The following HSPA2 variants were observed in gnomAD, a reference collection of about 807,000 sequenced individuals.
HSPA2 encodes heat shock protein family A (Hsp70) member 2, also known as heat shock-related 70 kDa protein 2.
In HSPA2, 13 loss-of-function variants were observed where a neutral mutation model predicts 35.0. The observed-to-expected ratio is 0.37, with a 90% CI of 0.24 to 0.59. The LOEUF (loss-of-function observed/expected upper bound fraction) is 0.59, where lower values mean the gene tolerates loss of function less well. HSPA2 is among the 20% of genes least tolerant of loss of function. HSPA2 has a pLI of 0.70. For missense variants in HSPA2, 565 were observed against 885.4 expected (o/e 0.64, Z 4.59); for synonymous variants, 368 against 382.1 (o/e 0.96, Z 0.43).
Position 64,541,961 on chromosome 14 carries a change from C to A in HSPA2, c.1112C>A (p.Ala371Glu). The A allele has an allele frequency of 6.2e-7, 1 of 1,613,544 alleles. No individual in the cohort carries two copies. The highest frequency in any genetic ancestry group is 8.5e-7 in the Non-Finnish European group (1 of 1,180,010). The change falls in exon 1 of 1, where the codon GCG becomes GAG. Residue 371 changes from alanine (A) to glutamate (E), a missense_variant. Around this residue, in one of 4 missense-constraint regions of HSPA2, gnomAD observed 234 missense variants for 419.0 expected, o/e 0.56. Transcript: ENST00000247207. ...AACAAGAGCATCAACCCCGACGAGG[C>A]GGTGGCCTATGGCGCCGCGGTGCAG... ...ELNKSINPDE[A>E]VAYGAAVQAA...
chr14:64,541,078 C>A lies in HSPA2; in HGVS notation c.229C>A (p.Arg77=). The change falls in exon 1 of 1, where the codon CGG becomes AGG. Residue 77 remains arginine, a synonymous_variant. Coordinates refer to ENST00000247207, the MANE Select transcript of HSPA2 (RefSeq NM_021979.4). ...TIFDAKRLIG[R]KFEDATVQSD... ...CTTCGACGCCAAGAGGCTGATTGGA[C>A]GGAAATTCGAGGATGCCACAGTGCA... is the stretch of plus-strand genomic sequence containing the variant. The A allele has an allele frequency of 1.2e-6, 2 of 1,614,220 alleles. No homozygotes were observed. The highest frequency in any genetic ancestry group is 4.5e-5 in the East Asian group (2 of 44,888).
Position 64,541,053 on chromosome 14 carries a change from C to T in HSPA2, c.204C>T (p.Ile68=), listed in dbSNP as rs753649397. 6.3e-5 allele frequency: 102 copies of T among 1,614,126 alleles called. No homozygotes were observed. Among genetic ancestry groups the T allele is most frequent in the South Asian group, 3.3e-4 (30 of 91,088 alleles). ...TGGCCATGAACCCCACCAACACCAT[C>T]TTCGACGCCAAGAGGCTGATTGGAC... is the stretch of plus-strand genomic sequence containing the variant. ...NQVAMNPTNT[I]FDAKRLIGRK... Residue 68 remains isoleucine (I), a synonymous_variant, in exon 1 of 1, where the codon ATC becomes ATT. Coordinates refer to ENST00000247207, the MANE Select transcript of HSPA2 (RefSeq NM_021979.4).
Position 64,541,006 on chromosome 14 carries a change from G to T in HSPA2, c.157G>T (p.Gly53Cys), listed in dbSNP as rs748500695. 9 of 1,614,148 alleles carry T rather than the reference G, an allele frequency of 5.6e-6. No individual in the cohort carries two copies. The highest frequency in any genetic ancestry group is 6.8e-6 in the Non-Finnish European group (8 of 1,180,024). The change falls in exon 1 of 1, where the codon GGC becomes TGC. Residue 53 changes from glycine (G) to cysteine (C), a missense_variant. Transcript: ENST00000247207. ...CTTCACGGACACCGAGCGCCTCATC[G>T]GCGACGCCGCCAAGAACCAGGTGGC... ...VAFTDTERLI[G>C]DAAKNQVAMN...
upstream of HSPA2, among the ~76,000 whole-genome samples, chr14:64,537,773 G>A (rs45608633): frequency 0.025 from 3,542 of 139,356 alleles, 52 homozygotes; most frequent in Middle Eastern, 0.056. Context: ...TGTCGCCCAG[G>A]CTGGAGTGCA....
Position 64,541,509 on chromosome 14 carries a change from C to G in HSPA2, c.660C>G (p.Phe220Leu). ...TCCTGACCATCGAGGATGGCATCTT[C>G]GAGGTGAAGTCCACGGCCGGCGACA... ...VSILTIEDGI[F>L]EVKSTAGDTH... is the part of the protein sequence containing the mutation. The change falls in exon 1 of 1, where the codon TTC (phenylalanine) becomes TTG (leucine). Residue 220 changes from phenylalanine (F) to leucine (L), a missense_variant. Phe to Leu is a conservative substitution (Grantham distance 22). Transcript: ENST00000247207. 2 of 1,609,244 alleles carry G rather than the reference C, an allele frequency of 1.2e-6. No individual in the cohort carries two copies. The highest frequency in any genetic ancestry group is 1.7e-6 in the Non-Finnish European group (2 of 1,176,208).
chr14:64,542,081 G>A lies in HSPA2; in HGVS notation c.1232G>A (p.Gly411Asp). Residue 411 changes from glycine to aspartate, a missense_variant, in exon 1 of 1, where the codon GGT (glycine) becomes GAT (aspartate). Coordinates refer to ENST00000247207, the MANE Select transcript of HSPA2 (RefSeq NM_021979.4). The surrounding 1 kb of genome is among the most constrained non-coding windows in gnomAD (Gnocchi z 5.7). ...TCGCTGGGCATCGAGACAGCTGGCG[G>A]TGTCATGACCCCACTCATCAAGAGG... ...PLSLGIETAG[G>D]VMTPLIKRNT... 1 of 1,613,632 alleles carries A rather than the reference G, an allele frequency of 6.2e-7. No individual in the cohort carries two copies. The highest frequency in any genetic ancestry group is 8.5e-7 in the Non-Finnish European group (1 of 1,180,034).
upstream of HSPA2, chr14:64,540,203 A>T (rs1171699506): frequency 6.5e-6 from 1 of 155,036 alleles, no homozygotes; most frequent in Non-Finnish European, 1.4e-5. Context: ...CTTCGGTGCA[A>T]CCAACTCAGA....
rs370673877 is a variant in HSPA2 at position 64,541,742 on chromosome 14, C to T, written c.893C>T (p.Thr298Met). 19 of 1,611,978 alleles carry T rather than the reference C, an allele frequency of 1.2e-5. No individual in the cohort carries two copies. The highest frequency in any genetic ancestry group is 1.7e-5 in the Admixed American group (1 of 59,822). The change falls in exon 1 of 1, where the codon ACG (threonine) becomes ATG (methionine). Residue 298 changes from threonine (T) to methionine (M), a missense_variant. Physicochemically the swap from Thr to Met is moderately conservative, Grantham distance 81 (BLOSUM62 -1). This residue lies in a region of HSPA2 where 234 missense variants were observed against 419.0 expected (regional missense o/e 0.56). Coordinates refer to ENST00000247207, the MANE Select transcript of HSPA2 (RefSeq NM_021979.4). The part of the protein sequence containing the change: ...DSLYEGVDFY[T>M]SITRARFEEL... The stretch of plus-strand genomic sequence containing the variant: ...CTCTACGAGGGCGTGGACTTCTATA[C>T]GTCCATCACGCGCGCCCGCTTCGAG...
At position 64,541,730 on chromosome 14, in the gene HSPA2, T is replaced by G; in HGVS notation, c.881T>G (p.Val294Gly). 3.1e-6 allele frequency: 5 copies of G among 1,611,942 alleles called. No homozygotes were observed. The highest frequency in any genetic ancestry group is 4.2e-6 in the Non-Finnish European group (5 of 1,179,494). Residue 294 changes from valine to glycine, a missense_variant, in exon 1 of 1, where the codon GTG (valine) becomes GGG (glycine). Val to Gly is a moderately radical substitution (Grantham distance 109, BLOSUM62 -3). Coordinates refer to ENST00000247207, the MANE Select transcript of HSPA2 (RefSeq NM_021979.4). ...SIEIDSLYEG[V>G]DFYTSITRAR... Reference sequence around the variant, plus strand: ...GAGATCGACTCGCTCTACGAGGGCGTGGACTTCTATACGTCCATCACGCGC... The same window carrying G: ...GAGATCGACTCGCTCTACGAGGGCGGGGACTTCTATACGTCCATCACGCGC...
chr14:64,540,848 G>T lies in HSPA2; in HGVS notation c.-2G>T. On this transcript the variant is annotated 5_prime_UTR_variant, in exon 1 of 1. It adds an upstream start codon to the 5' untranslated region. Coordinates refer to ENST00000247207, the MANE Select transcript of HSPA2 (RefSeq NM_021979.4). Reference sequence around the variant, plus strand: ...CCTAACGTCGCTCGCCTTTCAGTCAGGATGTCTGCCCGTGGCCCGGCTATC... The same window carrying T: ...CCTAACGTCGCTCGCCTTTCAGTCATGATGTCTGCCCGTGGCCCGGCTATC... The T allele has an allele frequency of 6.2e-7, 1 of 1,613,980 alleles. No homozygotes were observed. The highest frequency in any genetic ancestry group is 8.5e-7 in the Non-Finnish European group (1 of 1,179,934).
In HSPA2 at chr14:64,541,621, C is replaced by A; in HGVS notation, c.772C>A (p.Pro258Thr). 25 of 1,611,346 alleles carry A rather than the reference C, an allele frequency of 1.6e-5. No individual in the cohort carries two copies. The highest frequency in any genetic ancestry group is 2.2e-5 in the East Asian group (1 of 44,870). The change falls in exon 1 of 1, where the codon CCC becomes ACC. Residue 258 changes from proline to threonine, a missense_variant. Around this residue, in one of 4 missense-constraint regions of HSPA2, gnomAD observed 234 missense variants for 419.0 expected, o/e 0.56. Coordinates refer to ENST00000247207, the MANE Select transcript of HSPA2 (RefSeq NM_021979.4). ...FKRKHKKDIGPNKRAVRRLRT... is the reference protein window; with the variant it reads ...FKRKHKKDIGTNKRAVRRLRT... ...GCGCAAGCACAAGAAGGACATTGGG[C>A]CCAACAAGCGCGCCGTGAGGCGGCT...
At chr14:64,539,731 G>A (rs45498699), upstream of HSPA2, among the ~76,000 whole-genome samples, 3,748 of 152,196 alleles carry the variant, frequency 0.025, 52 homozygotes, top group Middle Eastern at 0.054. Context: ...GCCCAGGCTG[G>A]AGTGTAGTGG....
Position 64,541,824 on chromosome 14 carries a change from C to T in HSPA2, c.975C>T (p.Arg325=), listed in dbSNP as rs759623189. The change falls in exon 1 of 1, where the codon CGC becomes CGT. Residue 325 remains arginine, a synonymous_variant. Transcript: ENST00000247207. ...GTLEPVEKAL[R]DAKLDKGQIQ... ...TGGAGCCGGTGGAGAAGGCGCTGCG[C>T]GACGCCAAGCTGGACAAGGGCCAGA... 2 of 1,613,614 alleles carry T rather than the reference C, an allele frequency of 1.2e-6. No homozygotes were observed. The highest frequency in any genetic ancestry group is 1.7e-6 in the Non-Finnish European group (2 of 1,180,044).
In HSPA2 at chr14:64,541,977, C is replaced by A. The variant is rs529744114; in HGVS notation, c.1128C>A (p.Ala376=). 33 of 1,613,550 alleles carry A rather than the reference C, an allele frequency of 2.0e-5. No homozygotes were observed. The South Asian group carries it at 3.1e-4, about 15-fold the overall frequency. ...INPDEAVAYG[A]AVQAAILIGD... ...CCGACGAGGCGGTGGCCTATGGCGC[C>A]GCGGTGCAGGCGGCCATCCTCATCG... The change falls in exon 1 of 1, where the codon GCC becomes GCA. Residue 376 remains alanine, a synonymous_variant. Transcript: ENST00000247207.
chr14:64,542,564 A>G lies in HSPA2; in HGVS notation c.1715A>G (p.Lys572Arg). 3 of 1,613,810 alleles carry G rather than the reference A, an allele frequency of 1.9e-6. No homozygotes were observed. The highest frequency in any genetic ancestry group is 2.5e-6 in the Non-Finnish European group (3 of 1,180,008). The change falls in exon 1 of 1, where the codon AAG (lysine) becomes AGG (arginine). Residue 572 changes from lysine (K) to arginine (R), a missense_variant. Around this residue, in one of 4 missense-constraint regions of HSPA2, gnomAD observed 147 missense variants for 166.7 expected, o/e 0.88. Coordinates refer to ENST00000247207, the MANE Select transcript of HSPA2 (RefSeq NM_021979.4). This position sits in a 1 kb window ranked among gnomAD's most constrained non-coding sequence, Gnocchi z 5.7. Reference sequence around the variant, plus strand: ...AAGATTAGCGAGCAGGACAAAAACAAGATCCTCGACAAGTGTCAGGAGGTG... The same window carrying G: ...AAGATTAGCGAGCAGGACAAAAACAGGATCCTCGACAAGTGTCAGGAGGTG... The part of the protein sequence containing the change: ...RGKISEQDKN[K>R]ILDKCQEVIN...
chr14:64,537,218 C>T (rs2079986102), upstream of HSPA2, among the ~76,000 whole-genome samples: 1 of 151,414 alleles, frequency 6.6e-6, no homozygotes, highest in Non-Finnish European at 1.5e-5. Context: ...TTGCTTCCAG[C>T]CCACTAATTC....
At chr14:64,539,945 C>T (rs1253407462), upstream of HSPA2, among the ~76,000 whole-genome samples, 1 of 152,236 alleles carries the variant, frequency 6.6e-6, no homozygotes, top group Non-Finnish European at 1.5e-5. Context: ...CTCCCAAGTG[C>T]TGGGATTACA....
upstream of HSPA2, among the ~76,000 whole-genome samples, chr14:64,536,531 C>T (rs932447067): frequency 2.6e-5 from 4 of 152,074 alleles, no homozygotes; most frequent in African/African-American, 9.7e-5. Flanking sequence ...GAGGCTGAGA[C>T]TGGTGGAGAG....
chr14:64,542,334 C>T lies in HSPA2; in HGVS notation c.1485C>T (p.Asp495=). The T allele has an allele frequency of 6.2e-7, 1 of 1,613,978 alleles. No individual in the cohort carries two copies. Among genetic ancestry groups the T allele is most frequent in the East Asian group, 2.2e-5 (1 of 44,846 alleles). Residue 495 remains aspartate (D), a synonymous_variant, in exon 1 of 1, where the codon GAC becomes GAT. Transcript: ENST00000247207. The surrounding 1 kb of genome is among the most constrained non-coding windows in gnomAD (Gnocchi z 5.7). The part of the protein sequence containing the change: ...ANGILNVTAA[D]KSTGKENKIT... ...GCATCCTTAACGTTACCGCCGCCGA[C>T]AAGAGCACCGGTAAGGAAAACAAAA...
Sources: gnomAD v4.1 joint callset for allele counts (sites outside exome capture counted in the v4.1 genomes callset) on GRCh38, gnomAD v4.1.1 for gene constraint, gnomAD v4.1.1 regional missense constraint, Gnocchi (gnomAD v3.1) non-coding constraint, MANE v1.5 for transcripts, NCBI Gene and HGNC (gene_info 2026-07-23, HGNC 2026-07-21) for gene names.